Variants in TRIM2 observed in about 807,000 individuals in gnomAD.
The protein encoded by TRIM2 is tripartite motif containing 2.
TRIM2 carries 20 observed loss-of-function variants against 75.2 expected under a neutral mutation model. The ratio of observed to expected loss-of-function variants is 0.27; its 90% confidence interval spans 0.19 to 0.39. TRIM2 has a LOEUF of 0.39. TRIM2 is among the 10% of genes least tolerant of loss of function. The pLI, the probability that TRIM2 is intolerant of heterozygous loss-of-function variation, is 1.00. For missense variants in TRIM2, 660 were observed against 990.8 expected, an observed-to-expected ratio of 0.67 and a Z score of 4.48; for synonymous variants, 373 against 388.3, an observed-to-expected ratio of 0.96 and a Z score of 0.46.
At chr4:153,163,928 T>C (rs1021620937) in intron 1 of TRIM2, among the ~76,000 whole-genome samples, 2 of 152,126 alleles carry the variant, frequency 1.3e-5, no homozygotes, top group Non-Finnish European at 2.9e-5. Context: ...TAAGACAATG[T>C]TGTGGGAAAA....
intron 1 of TRIM2, among the ~76,000 whole-genome samples, chr4:153,195,608 A>G (rs10015765): frequency 0.37 from 56,707 of 152,072 alleles, 10,633 homozygotes; most frequent in African/African-American, 0.43. Flanking sequence ...GGAGCCCTAC[A>G]TTTGTGTTGT....
intron 2 of TRIM2, among the ~76,000 whole-genome samples, chr4:153,274,377 C>G (rs146600033): frequency 6.6e-6 from 1 of 152,122 alleles, no homozygotes; most frequent in Non-Finnish European, 1.5e-5. Flanking sequence ...AAGAATGACT[C>G]CTAGTTTCTG....
intron 6 of TRIM2, chr4:153,308,025 T>C: frequency 1.3e-6 from 1 of 771,318 alleles, no homozygotes; most frequent in Non-Finnish European, 2.4e-6. Flanking sequence ...TCCTTTAACC[T>C]CTTTCTTGAT....
chr4:153,282,792 A>T (rs1472686641), intron 3 of TRIM2, among the ~76,000 whole-genome samples: 1 of 146,890 alleles, frequency 6.8e-6, no homozygotes, highest in Non-Finnish European at 1.5e-5. Flanking sequence ...TTTATTTTTA[A>T]TTTTTTTTTT....
In TRIM2 at chr4:153,338,993, A is replaced by C; in HGVS notation, c.*4027A>C. The C allele has an allele frequency of 1.0e-6, 1 of 984,422 alleles. No homozygotes were observed. The highest frequency in any genetic ancestry group is 1.2e-6 in the Non-Finnish European group (1 of 829,658). 61.0% of individuals were successfully genotyped at this position (984,422 alleles called of 1,614,324 possible). A position where few individuals can be genotyped will look rare whatever the true frequency, so the allele number is the denominator to read the frequency against. ...TTTGTTTTCTTTTTAGATTTTGTAC[A>C]TTCCATCTTTATAGGTCTGTTTCAT... On this transcript the variant is annotated 3_prime_UTR_variant, in exon 12 of 12. Transcript: ENST00000338700.
intron 1 of TRIM2, among the ~76,000 whole-genome samples, chr4:153,227,876 C>A (rs965319589): frequency 1.3e-5 from 2 of 152,164 alleles, no homozygotes; most frequent in Non-Finnish European, 2.9e-5. Context: ...GTTTAGTACT[C>A]TCCTCGGTAT....
At chr4:153,201,696 A>G (rs746451054), upstream of TRIM2, among the ~76,000 whole-genome samples, 1 of 152,086 alleles carries the variant, frequency 6.6e-6, no homozygotes, top group Non-Finnish European at 1.5e-5. Context: ...CTTTGTCTCT[A>G]AAGAAAGAAA....
chr4:153,243,807 C>CCTT (rs1747312010), intron 1 of TRIM2, among the ~76,000 whole-genome samples: 1 of 117,478 alleles, frequency 8.5e-6, no homozygotes. Flanking sequence ...CCTCCCCCTC[C>CCTT]TTTTTTTTTT....
chr4:153,235,147 A>G (rs1025791798), intron 1 of TRIM2, among the ~76,000 whole-genome samples: 1 of 152,192 alleles, frequency 6.6e-6, no homozygotes, highest in African/African-American at 2.4e-5. Flanking sequence ...TTGGTTTTCC[A>G]GTCAGAAAGA....
In TRIM2 at chr4:153,270,463, C is replaced by T; in HGVS notation, c.159C>T (p.Cys53=). 1.2e-6 allele frequency: 2 copies of T among 1,613,764 alleles called. No individual in the cohort carries two copies. The highest frequency in any genetic ancestry group is 1.7e-6 in the Non-Finnish European group (2 of 1,179,892). The stretch of plus-strand genomic sequence containing the variant: ...AGCAGTTTCTGATTTGCAGTATATG[C>T]CTGGAACGGTACAAGAATCCCAAGG... ...IDKQFLICSI[C]LERYKNPKVL... The change falls in exon 2 of 12, where the codon TGC becomes TGT. Residue 53 remains cysteine (C), a synonymous_variant. Coordinates refer to ENST00000338700, the MANE Select transcript of TRIM2 (RefSeq NM_015271.5).
intron 1 of TRIM2, among the ~76,000 whole-genome samples, chr4:153,240,724 T>C (rs1199368408): frequency 6.6e-6 from 1 of 152,242 alleles, no homozygotes; most frequent in East Asian, 1.9e-4. Flanking sequence ...TATAACCATG[T>C]AAATATATTA....
At chr4:153,152,408 G>GTATATATATA (rs562242204), upstream of TRIM2, 12 of 50,560 alleles carry the variant, frequency 2.4e-4, no homozygotes, top group East Asian at 7.8e-3. Flanking sequence ...ATATATGTGT[G>GTATATATATA]TATATATATA....
intron 1 of TRIM2, among the ~76,000 whole-genome samples, chr4:153,174,967 C>T (rs1731257670): frequency 6.6e-6 from 1 of 151,688 alleles, no homozygotes; most frequent in South Asian, 2.1e-4. Context: ...ACATCTTTGT[C>T]AACTGGTGCA....
At chr4:153,183,290 A>T (rs1038306063) in intron 1 of TRIM2, among the ~76,000 whole-genome samples, 3 of 152,238 alleles carry the variant, frequency 2.0e-5, no homozygotes, top group African/African-American at 4.8e-5. Context: ...TGACAGTTGC[A>T]TTATTTCACA....
At chr4:153,246,577 T>G (rs947001826) in intron 1 of TRIM2, among the ~76,000 whole-genome samples, 2 of 152,262 alleles carry the variant, frequency 1.3e-5, no homozygotes, top group African/African-American at 4.8e-5. Context: ...AGTGACTATC[T>G]GTGGCTCCTA....
chr4:153,160,668 C>T (rs982528772), intron 1 of TRIM2, among the ~76,000 whole-genome samples: 2 of 152,214 alleles, frequency 1.3e-5, no homozygotes, highest in Non-Finnish European at 2.9e-5. Context: ...GATCATGGCT[C>T]ACTGCAGCCT....
chr4:153,276,874 C>T (rs559450379), intron 3 of TRIM2, among the ~76,000 whole-genome samples: 29 of 152,224 alleles, frequency 1.9e-4, no homozygotes, highest in Non-Finnish European at 4.1e-4. Context: ...TAGTATTTAC[C>T]ATATAGAATA....
chr4:153,173,765 A>G (rs1731119307), intron 1 of TRIM2, among the ~76,000 whole-genome samples: 1 of 151,810 alleles, frequency 6.6e-6, no homozygotes. Flanking sequence ...TCAGGAGTTC[A>G]AGACCAGCCG....
intron 2 of TRIM2, among the ~76,000 whole-genome samples, chr4:153,275,125 G>C (rs1447668490): frequency 6.6e-6 from 1 of 152,184 alleles, no homozygotes; most frequent in East Asian, 1.9e-4. Flanking sequence ...AAGTATCTTG[G>C]ACAAGTACGC....
Sources: allele counts gnomAD v4.1 joint callset (sites outside exome capture counted in the v4.1 genomes callset), GRCh38; gene constraint gnomAD v4.1.1; transcripts MANE v1.5; gene names NCBI Gene and HGNC (gene_info 2026-07-23, HGNC 2026-07-21).